FHIT: variants seen among roughly 807,000 people sequenced by gnomAD.
FHIT encodes bis(5'-adenosyl)-triphosphatase.
Under a neutral mutation model 17.9 loss-of-function variants are expected in FHIT, and 19 were observed. That is an observed-to-expected ratio of 1.06 (90% CI 0.74 to 1.56). The LOEUF is 1.56. Ranked by LOEUF, FHIT falls within the 40% of genes most tolerant of loss-of-function variation. FHIT has a pLI of 0.00. For synonymous variants in FHIT, 81 were observed against 69.7 expected, an observed-to-expected ratio of 1.16 and a Z score of -0.81; for missense variants, 248 against 189.2, an observed-to-expected ratio of 1.31 and a Z score of -1.82.
chr3:59,906,019 G>C (rs1704570555), intron 8 of FHIT, among the ~76,000 whole-genome samples: 1 of 152,142 alleles, frequency 6.6e-6, no homozygotes, highest in African/African-American at 2.4e-5. Flanking sequence ...AAGAGATTCA[G>C]GCATCAGACA....
chr3:59,854,557 C>T (rs750890021), intron 8 of FHIT, among the ~76,000 whole-genome samples: 1 of 152,188 alleles, frequency 6.6e-6, no homozygotes, highest in African/African-American at 2.4e-5. Context: ...CTCTCTCTCA[C>T]ACCGCAGAGC....
chr3:60,698,798 T>C (rs2041172672), intron 4 of FHIT, among the ~76,000 whole-genome samples: 1 of 152,190 alleles, frequency 6.6e-6, no homozygotes, highest in Non-Finnish European at 1.5e-5. Flanking sequence ...AATTAGGATT[T>C]TGGACAAACT....
In FHIT at chr3:60,138,967, A is replaced by C. The variant is rs531451173; in HGVS notation, c.104-124815T>G. On this transcript the variant is annotated intron_variant, in intron 5 of 9. Transcript: ENST00000492590. The stretch of plus-strand genomic sequence containing the variant: ...ATAAACGCTCTATCCACTGCTTCTC[A>C]GTGGCCCTTCACTGAGTGGCCAGGT... Among the ~76,000 whole-genome samples the C allele has an allele frequency of 5.7e-4, 87 of 152,268 alleles. 1 individual carries two copies. The South Asian group carries it at 6.9e-3, about 12-fold the overall frequency.
chr3:61,040,807 C>T (rs1290818704), intron 3 of FHIT, among the ~76,000 whole-genome samples: 2 of 152,160 alleles, frequency 1.3e-5, no homozygotes, highest in Admixed American at 6.6e-5. Context: ...ACAATAAGAG[C>T]CACTTATACC....
chr3:60,942,128 G>A (rs1421927091), intron 3 of FHIT, among the ~76,000 whole-genome samples: 1 of 152,106 alleles, frequency 6.6e-6, no homozygotes, highest in Non-Finnish European at 1.5e-5. Context: ...GATTATAGGT[G>A]CCCACAGCCA....
chr3:60,638,788 G>C (rs2039653587), intron 4 of FHIT, among the ~76,000 whole-genome samples: 1 of 151,828 alleles, frequency 6.6e-6, no homozygotes, highest in African/African-American at 2.4e-5. Flanking sequence ...CTACAAAAAT[G>C]CAAATCAGAA....
Position 60,084,418 on chromosome 3 carries a change from A to G in FHIT, c.104-70266T>C, listed in dbSNP as rs140857571. 2.3e-3 allele frequency among the ~76,000 whole-genome samples: 351 copies of G among 152,278 alleles called. 1 individual carries two copies. The highest frequency in any genetic ancestry group is 0.02 in the Admixed American group (303 of 15,278). ...TCACTCATTCGTTCACTCTACACAT[A>G]TAATAGGCATCCACTTTGGGCCAGA... On this transcript the variant is annotated intron_variant, in intron 5 of 9. Coordinates refer to ENST00000492590, the MANE Select transcript of FHIT (RefSeq NM_002012.4).
chr3:61,160,335 T>A (rs773747590), intron 2 of FHIT, among the ~76,000 whole-genome samples: 40 of 152,248 alleles, frequency 2.6e-4, no homozygotes, highest in Non-Finnish European at 5.0e-4. Flanking sequence ...GTAGGAATCA[T>A]GTACATAAGT....
chr3:61,105,522 A>G (rs922782699), intron 2 of FHIT, among the ~76,000 whole-genome samples: 5 of 152,118 alleles, frequency 3.3e-5, no homozygotes, highest in African/African-American at 1.2e-4. Flanking sequence ...TGATATGTGA[A>G]TATAAGTAAA....
intron 1 of FHIT, among the ~76,000 whole-genome samples, chr3:61,201,000 T>C (rs2038995458): frequency 6.6e-6 from 1 of 152,250 alleles, no homozygotes; most frequent in African/African-American, 2.4e-5. Context: ...ATACTCAGTC[T>C]GACTAAGCAT....
At chr3:60,270,852 G>A (rs1259222829) in intron 5 of FHIT, among the ~76,000 whole-genome samples, 1 of 152,134 alleles carries the variant, frequency 6.6e-6, no homozygotes, top group African/African-American at 2.4e-5. Flanking sequence ...TCCAGAGAAA[G>A]CCATATCTGC....
intron 3 of FHIT, among the ~76,000 whole-genome samples, chr3:60,840,684 T>C (rs1257325037): frequency 6.6e-6 from 1 of 152,232 alleles, no homozygotes; most frequent in African/African-American, 2.4e-5. Context: ...ACATTCTTCT[T>C]TTTCTGTATT....
intron 5 of FHIT, among the ~76,000 whole-genome samples, chr3:60,105,466 T>A (rs940097198): frequency 6.6e-6 from 1 of 152,200 alleles, no homozygotes; most frequent in Non-Finnish European, 1.5e-5. Context: ...GTGGCTTCTC[T>A]ACTTTTCTAG....
At chr3:60,729,775 A>G (rs1577128338) in intron 4 of FHIT, among the ~76,000 whole-genome samples, 1 of 139,044 alleles carries the variant, frequency 7.2e-6, no homozygotes, top group Non-Finnish European at 1.6e-5. Context: ...ATATATATAT[A>G]TTCCTATATT....
intron 5 of FHIT, among the ~76,000 whole-genome samples, chr3:60,138,832 C>A (rs1364465381): frequency 6.6e-6 from 1 of 152,042 alleles, no homozygotes; most frequent in Non-Finnish European, 1.5e-5. Flanking sequence ...CAGGAAGTCA[C>A]CAACAGAATC....
In FHIT at chr3:60,747,186, A is replaced by T. The variant is rs534107269; in HGVS notation, c.-18+74733T>A. 1.3e-4 allele frequency among the ~76,000 whole-genome samples: 19 copies of T among 151,746 alleles called. No individual in the cohort carries two copies. In the South Asian group the frequency reaches 3.3e-3, roughly 27 times the overall value. ...GTATGTGAGTATTCTCTCTGCACTG[A>T]ATGCCCTTCCTCCTTCATCTAGCAG... On this transcript the variant is annotated intron_variant, in intron 4 of 9. Transcript: ENST00000492590.
chr3:60,589,794 G>A lies in FHIT; in HGVS notation c.-17-52815C>T, dbSNP rs183601630. 5.8e-4 allele frequency among the ~76,000 whole-genome samples: 88 copies of A among 152,132 alleles called. 1 individual carries two copies. The highest frequency in any genetic ancestry group is 8.8e-4 in the Non-Finnish European group (60 of 67,968). ...TATATTTTTGATTGTGATTTAATTT[G>A]CCACTTCGACTTCTTACTGGAGAAA... On this transcript the variant is annotated intron_variant, in intron 4 of 9. Transcript: ENST00000492590.
At chr3:59,805,729 CCAGAGT>C (rs746308689) in intron 8 of FHIT, among the ~76,000 whole-genome samples, 3 of 152,132 alleles carry the variant, frequency 2.0e-5, no homozygotes, top group Non-Finnish European at 2.9e-5. Flanking sequence ...AGCTTTGTGG[CCAGAGT>C]CAAATTTTGC....
chr3:60,234,589 C>T (rs1221447909), intron 5 of FHIT, among the ~76,000 whole-genome samples: 1 of 152,134 alleles, frequency 6.6e-6, no homozygotes, highest in Non-Finnish European at 1.5e-5. Context: ...TTTTAAAATT[C>T]ATTTCTAAGT....
Sources: allele counts gnomAD v4.1 joint callset (sites outside exome capture counted in the v4.1 genomes callset), GRCh38; gene constraint gnomAD v4.1.1; transcripts MANE v1.5; gene names NCBI Gene and HGNC (gene_info 2026-07-23, HGNC 2026-07-21).